The following NUAK1 variants were observed in gnomAD, a reference collection of about 807,000 sequenced individuals.
NUAK1 encodes NUAK family kinase 1, also known as NUAK family SNF1-like kinase 1.
In NUAK1, 26 loss-of-function variants were observed where a neutral mutation model predicts 56.9. The ratio of observed to expected loss-of-function variants is 0.46; its 90% CI spans 0.33 to 0.63. The LOEUF is 0.63. Ranked by LOEUF, NUAK1 falls within the 30% of genes least tolerant of loss-of-function variation. NUAK1 has a pLI of 0.02. For synonymous variants in NUAK1, 337 were observed against 336.0 expected (o/e 1.00, Z -0.03); for missense variants, 727 against 876.1 (o/e 0.83, Z 2.15).
chr12:106,117,349 C>G (rs2032928137), intron 1 of NUAK1, among the ~76,000 whole-genome samples: 1 of 152,186 alleles, frequency 6.6e-6, no homozygotes, highest in African/African-American at 2.4e-5. Context: ...GCATGGCTCC[C>G]CCATTTCTAT....
intron 2 of NUAK1, among the ~76,000 whole-genome samples, chr12:106,092,125 T>G (rs1413597190): frequency 1.3e-5 from 2 of 152,154 alleles, no homozygotes; most frequent in African/African-American, 4.8e-5. Context: ...TGCCATGCCC[T>G]CTTTCTGTCA....
Position 106,065,280 on chromosome 12 carries a change from ATT to A in NUAK1, c.*1520_*1521del, listed in dbSNP as rs2032323830. On this transcript the variant is annotated 3_prime_UTR_variant, in exon 7 of 7. Coordinates refer to ENST00000261402, the MANE Select transcript of NUAK1 (RefSeq NM_014840.3). ...GTCATTGTGATCTGGGTGTTTAGAA[ATT>A]ACATATCTAGTTTTTTGTTTTGTTT... The A allele has an allele frequency of 6.6e-6, 1 of 152,156 alleles. No individual in the cohort carries two copies. The highest frequency in any genetic ancestry group is 1.9e-4 in the East Asian group (1 of 5,192). 9.4% of individuals were successfully genotyped at this position (152,156 alleles called of 1,614,324 possible).
At chr12:106,092,315 G>T (rs948283247) in intron 2 of NUAK1, among the ~76,000 whole-genome samples, 1 of 152,196 alleles carries the variant, frequency 6.6e-6, no homozygotes, top group Non-Finnish European at 1.5e-5. Flanking sequence ...TCAGGAGACC[G>T]AGACCAGCCT....
chr12:106,095,198 T>G (rs1456415325), intron 2 of NUAK1, among the ~76,000 whole-genome samples: 1 of 152,140 alleles, frequency 6.6e-6, no homozygotes, highest in Non-Finnish European at 1.5e-5. Flanking sequence ...CACACAATCC[T>G]GAATGTGAGA....
At chr12:106,093,296 C>G (rs1438186717) in intron 2 of NUAK1, among the ~76,000 whole-genome samples, 1 of 152,206 alleles carries the variant, frequency 6.6e-6, no homozygotes, top group Non-Finnish European at 1.5e-5. Flanking sequence ...CACTGGCAGG[C>G]CTTCCTTCTT....
chr12:106,072,956 C>G, intron 4 of NUAK1, 113 bp from the exon 5 acceptor site: 2 of 1,254,028 alleles, frequency 1.6e-6, no homozygotes, highest in Non-Finnish European at 2.2e-6. Context: ...CTGGGTGGGT[C>G]TGCTGGCTGG....
rs1278818503 is a variant in NUAK1 at position 106,067,297 on chromosome 12, C to T, written c.1491G>A (p.Met497Ile). 6.2e-7 allele frequency: 1 copy of T among 1,614,146 alleles called. No individual in the cohort carries two copies. The highest frequency in any genetic ancestry group is 8.5e-7 in the Non-Finnish European group (1 of 1,180,024). The change falls in exon 7 of 7, where the codon ATG (methionine) becomes ATA (isoleucine). Residue 497 changes from methionine (M) to isoleucine (I), a missense_variant. By Grantham distance (10) the Met-to-Ile change is conservative. Coordinates refer to ENST00000261402, the MANE Select transcript of NUAK1 (RefSeq NM_014840.3). The surrounding 1 kb of genome is among the most constrained non-coding windows in gnomAD (Gnocchi z 6.0). ...SSELLDSNDV[M>I]GSSIPSPSPP... is the part of the protein sequence containing the mutation. ...GGCTGGGGGAGGGGATGCTGCTGCCCATCACATCATTACTGTCCAACAGCT... is the reference window on the plus strand; with the variant it reads ...GGCTGGGGGAGGGGATGCTGCTGCCTATCACATCATTACTGTCCAACAGCT...
chr12:106,109,431 C>A (rs1391153708), intron 1 of NUAK1, among the ~76,000 whole-genome samples: 2 of 152,094 alleles, frequency 1.3e-5, no homozygotes, highest in African/African-American at 2.4e-5. Flanking sequence ...TCTCTCTATA[C>A]CCTTCCCATT....
intron 1 of NUAK1, among the ~76,000 whole-genome samples, chr12:106,126,819 C>T (rs372357973): frequency 1.3e-5 from 2 of 152,144 alleles, no homozygotes; most frequent in Non-Finnish European, 2.9e-5. Flanking sequence ...CCAATCACTG[C>T]TAAAGCCTTG....
chr12:106,109,192 C>T (rs2032834107), intron 1 of NUAK1, among the ~76,000 whole-genome samples: 1 of 152,178 alleles, frequency 6.6e-6, no homozygotes, highest in Non-Finnish European at 1.5e-5. Context: ...CGGACCCATC[C>T]AAGGTTCAGA....
intron 3 of NUAK1, among the ~76,000 whole-genome samples, chr12:106,084,431 A>G (rs2434083): frequency 0.21 from 31,216 of 152,100 alleles, 3,379 homozygotes; most frequent in East Asian, 0.4. Flanking sequence ...ACCTGTTTTG[A>G]TCTGTCCTGA....
At chr12:106,080,062 T>C (rs1317834519) in intron 4 of NUAK1, among the ~76,000 whole-genome samples, 5 of 152,224 alleles carry the variant, frequency 3.3e-5, no homozygotes, top group Admixed American at 6.5e-5. Context: ...AACACATGAA[T>C]TGATTAATTC....
chr12:106,110,230 C>T (rs2136473929), intron 1 of NUAK1, among the ~76,000 whole-genome samples: 1 of 152,308 alleles, frequency 6.6e-6, no homozygotes, highest in South Asian at 2.1e-4. Context: ...AAATATGTTC[C>T]TACTTAAAAT....
At chr12:106,119,202 C>T (rs2032949541) in intron 1 of NUAK1, among the ~76,000 whole-genome samples, 1 of 152,166 alleles carries the variant, frequency 6.6e-6, no homozygotes, top group Non-Finnish European at 1.5e-5. Context: ...CTTCTTTATG[C>T]CAAAACCACT....
intron 6 of NUAK1, among the ~76,000 whole-genome samples, chr12:106,070,218 C>A (rs945116268): frequency 2.6e-5 from 4 of 152,098 alleles, no homozygotes; most frequent in Non-Finnish European, 5.9e-5. Context: ...GAGAGGAAGG[C>A]CATAAGAGCA....
chr12:106,070,107 C>T (rs1027809643), intron 6 of NUAK1, among the ~76,000 whole-genome samples: 1 of 152,140 alleles, frequency 6.6e-6, no homozygotes, highest in African/African-American at 2.4e-5. Flanking sequence ...CTTCTTAGAA[C>T]CCCAAGCTGC....
intron 4 of NUAK1, among the ~76,000 whole-genome samples, chr12:106,073,815 C>A (rs1049560073): frequency 2.2e-4 from 33 of 151,116 alleles, no homozygotes; most frequent in African/African-American, 7.8e-4. Flanking sequence ...GAGATTCAAT[C>A]TCAAAAAAAA....
rs752774711 is a variant in NUAK1, at chr12:106,072,756, T to C, written c.667A>G (p.Ile223Val). ...CGSPLYASPE[I>V]VNGRPYRGPE... Reference sequence around the variant, plus strand: ...CCTCGGTAAGGTCTCCCATTGACAATCTCAGGAGATGCATAGAGTGGACTC... The same window carrying C: ...CCTCGGTAAGGTCTCCCATTGACAACCTCAGGAGATGCATAGAGTGGACTC... Residue 223 changes from isoleucine (I) to valine (V), a missense_variant, in exon 5 of 7, where the codon ATT becomes GTT. By Grantham distance (29) the Ile-to-Val change is conservative (BLOSUM62 3). Coordinates refer to ENST00000261402, the MANE Select transcript of NUAK1 (RefSeq NM_014840.3). 6.2e-7 allele frequency: 1 copy of C among 1,613,358 alleles called. No individual in the cohort carries two copies. Among genetic ancestry groups the C allele is most frequent in the East Asian group, 2.2e-5 (1 of 44,854 alleles).
chr12:106,103,627 G>A lies in NUAK1; in HGVS notation c.361+2778C>T, dbSNP rs543783316. 8.5e-5 allele frequency among the ~76,000 whole-genome samples: 13 copies of A among 152,266 alleles called. 1 individual carries two copies. In the South Asian group the frequency reaches 2.7e-3, roughly 32 times the overall value. On this transcript the variant is annotated intron_variant, in intron 2 of 6. Coordinates refer to ENST00000261402, the MANE Select transcript of NUAK1 (RefSeq NM_014840.3). ...TCCAATCCCCAAGCTTCCAGAACATGGTCCCAGAATATACTGCTTACATGC... is the reference window on the plus strand; with the variant it reads ...TCCAATCCCCAAGCTTCCAGAACATAGTCCCAGAATATACTGCTTACATGC...
Sources: allele counts gnomAD v4.1 joint callset (sites outside exome capture counted in the v4.1 genomes callset), GRCh38; gene constraint gnomAD v4.1.1; non-coding constraint Gnocchi (gnomAD v3.1); transcripts MANE v1.5; gene names NCBI Gene and HGNC (gene_info 2026-07-23, HGNC 2026-07-21).